The following KCNQ1 variants were observed in gnomAD, a reference collection of about 807,000 sequenced individuals.
The protein encoded by KCNQ1 is potassium voltage-gated channel subfamily KQT member 1.
A neutral mutation model predicts 72.4 loss-of-function variants in KCNQ1; 49 were observed. That is an observed-to-expected ratio of 0.68 (90% confidence interval 0.54 to 0.86). The LOEUF (loss-of-function observed/expected upper bound fraction) is 0.86. Among genes scored for constraint, KCNQ1 ranks in the 40% least tolerant of loss-of-function variants. The pLI is 0.00. For missense variants in KCNQ1, 790 were observed against 945.1 expected, an observed-to-expected ratio of 0.84 and a Z score of 2.15; for synonymous variants, 450 against 412.6, an observed-to-expected ratio of 1.09 and a Z score of -1.10.
chr11:2,580,259 G>A (rs59171663), intron 6 of KCNQ1, among the ~76,000 whole-genome samples: 8 of 151,604 alleles, frequency 5.3e-5, no homozygotes, highest in Non-Finnish European at 8.8e-5. Flanking sequence ...CGGCTGCCTC[G>A]GGAGGCAGCC....
intron 15 of KCNQ1, among the ~76,000 whole-genome samples, chr11:2,835,397 TCACACACACACA>T (rs36227626): frequency 0.14 from 18,712 of 130,496 alleles, 1,822 homozygotes; most frequent in East Asian, 0.41. Context: ...AAACCCTGAC[TCACACACACACA>T]CACACACACA....
chr11:2,572,748 C>T (rs766916660), intron 5 of KCNQ1, 98 bp from the exon 6 acceptor site: 21 of 1,510,234 alleles, frequency 1.4e-5, no homozygotes, highest in South Asian at 4.6e-5. Context: ...CGGCGTAGGA[C>T]GCCCAGTGAT....
intron 6 of KCNQ1, among the ~76,000 whole-genome samples, chr11:2,577,748 G>A (rs559503779): frequency 3.9e-5 from 6 of 152,104 alleles, no homozygotes; most frequent in Admixed American, 1.3e-4. Context: ...GAGACAGGCC[G>A]GAGTCTCCAG....
chr11:2,796,952 C>T (rs572841374), intron 15 of KCNQ1, among the ~76,000 whole-genome samples: 6 of 152,342 alleles, frequency 3.9e-5, no homozygotes, highest in Non-Finnish European at 8.8e-5. Context: ...GTGCCTGTCC[C>T]GGGCCTAACC....
intron 13 of KCNQ1, 147 bp downstream of exon 13, chr11:2,776,201 C>G (rs776510404): frequency 3.4e-5 from 24 of 697,854 alleles, no homozygotes; most frequent in Non-Finnish European, 5.3e-5. Context: ...CCACCCCCAG[C>G]CCTGCAGAGG....
chr11:2,836,177 AG>A (rs1284206045), intron 15 of KCNQ1, among the ~76,000 whole-genome samples: 2 of 152,116 alleles, frequency 1.3e-5, no homozygotes, highest in Non-Finnish European at 2.9e-5. Flanking sequence ...GGCATTTCTG[AG>A]GGAGAGGGAC....
At position 2,691,813 on chromosome 11, in the gene KCNQ1, G is replaced by T. The variant is rs1850593155; in HGVS notation, c.1514+29732G>T. The T allele has an allele frequency of 2.5e-6, 1 of 398,532 alleles. No individual in the cohort carries two copies. Among genetic ancestry groups the T allele is most frequent in the African/African-American group, 2.1e-5 (1 of 48,600 alleles). The allele number at this position is 398,532 out of a possible 1,614,324, so 24.7% of individuals were successfully genotyped here. On this transcript the variant is annotated intron_variant, in intron 11 of 15. Coordinates refer to ENST00000155840, the MANE Select transcript of KCNQ1 (RefSeq NM_000218.3). The surrounding 1 kb of genome is among the most constrained non-coding windows in gnomAD (Gnocchi z 6.4). ...AGCAATCAGAGAATCACAAGCACTG[G>T]ATCCAATGTGACCTCTGCCAGGACC... is the stretch of plus-strand genomic sequence containing the variant.
In KCNQ1 at chr11:2,611,103, T is replaced by G; in HGVS notation, c.1393+22249T>G. 2.5e-6 allele frequency: 1 copy of G among 398,564 alleles called. No individual in the cohort carries two copies. 24.7% of individuals were successfully genotyped at this position (398,564 alleles called of 1,614,324 possible). ...TTATAAATTTTTATTTCTTTATGAC[T>G]TCTGTTTATGATTTCTATTTCTTCC... On this transcript the variant is annotated intron_variant, in intron 10 of 15. Transcript: ENST00000155840. This position sits in a 1 kb window ranked among gnomAD's most constrained non-coding sequence, Gnocchi z 5.3.
intron 2 of KCNQ1, 109 bp downstream of exon 2, chr11:2,528,127 G>A: frequency 1.1e-6 from 1 of 951,082 alleles, no homozygotes; most frequent in South Asian, 1.3e-5. Flanking sequence ...CCAGCCCCTT[G>A]CCCACACATT....
chr11:2,733,774 C>A lies in KCNQ1; in HGVS notation c.1515-35070C>A, dbSNP rs61666811. Among the ~76,000 whole-genome samples, 370 of 57,454 alleles carry A rather than the reference C, an allele frequency of 6.4e-3. 3 individuals are homozygous for A. The highest frequency in any genetic ancestry group is 9.2e-3 in the African/African-American group (140 of 15,254). 37.7% of individuals were successfully genotyped at this position (57,454 alleles called of 152,430 possible). On this transcript the variant is annotated intron_variant, in intron 11 of 15. Coordinates refer to ENST00000155840, the MANE Select transcript of KCNQ1 (RefSeq NM_000218.3). ...GGGCAGGAGGGGGACTTCAGGCCTT[C>A]CACACACACACACACACACACACAC...
At position 2,670,627 on chromosome 11, in the gene KCNQ1, T is replaced by C. The variant is rs564357911; in HGVS notation, c.1514+8546T>C. 2.0e-5 allele frequency: 8 copies of C among 398,500 alleles called. No individual in the cohort carries two copies. The South Asian group carries it at 1.0e-3, about 51-fold the overall frequency. The allele number at this position is 398,500 out of a possible 1,614,324, so 24.7% of individuals were successfully genotyped here. A position where few individuals can be genotyped will look rare whatever the true frequency, so the allele number is the denominator to read the frequency against. ...CACAATCTCTGGGGGAGCCTGGATA[T>C]GCATGGCAGAGGCCAGGATGAACCC... On this transcript the variant is annotated intron_variant, in intron 11 of 15. Coordinates refer to ENST00000155840, the MANE Select transcript of KCNQ1 (RefSeq NM_000218.3). This position sits in a 1 kb window ranked among gnomAD's most constrained non-coding sequence, Gnocchi z 4.9.
intron 15 of KCNQ1, among the ~76,000 whole-genome samples, chr11:2,789,807 G>T (rs1185590843): frequency 1.3e-5 from 2 of 152,174 alleles, no homozygotes; most frequent in African/African-American, 2.4e-5. Context: ...TTTCCCCCCA[G>T]TAAAGTGATG....
At position 2,579,817 on chromosome 11, in the gene KCNQ1, G is replaced by A. The variant is rs1041987378; in HGVS notation, c.922-3618G>A. On this transcript the variant is annotated intron_variant, in intron 6 of 15. Transcript: ENST00000155840. This position sits in a 1 kb window ranked among gnomAD's most constrained non-coding sequence, Gnocchi z 6.0. ...CCACGTGCACCCAGCTCAGCCCCAG[G>A]AGGTGACACCCCCACCCTCAGCAGC... 6.6e-6 allele frequency among the ~76,000 whole-genome samples: 1 copy of A among 151,986 alleles called. No individual in the cohort carries two copies. Among genetic ancestry groups the A allele is most frequent in the African/African-American group, 2.4e-5 (1 of 41,382 alleles).
intron 11 of KCNQ1, among the ~76,000 whole-genome samples, chr11:2,718,164 C>T (rs1047581631): frequency 2.6e-5 from 4 of 152,290 alleles, no homozygotes; most frequent in African/African-American, 4.8e-5. Flanking sequence ...GCTGAGAGCC[C>T]CACTGCAGCC....
rs1484502401 is a variant in KCNQ1 at position 2,481,090 on chromosome 11, G to A, written c.386+35606G>A. 2.0e-5 allele frequency among the ~76,000 whole-genome samples: 3 copies of A among 152,182 alleles called. No homozygotes were observed. Among genetic ancestry groups the A allele is most frequent in the East Asian group, 3.8e-4 (2 of 5,198 alleles). On this transcript the variant is annotated intron_variant, in intron 1 of 15. Transcript: ENST00000155840. The surrounding 1 kb of genome is among the most constrained non-coding windows in gnomAD (Gnocchi z 4.6). ...CATGTTGGATTTCACTCATAGCCAC[G>A]AGAACGGGTGGTGGTCTCTTCTGCA...
chr11:2,723,158 C>T lies in KCNQ1; in HGVS notation c.1515-45686C>T, dbSNP rs1431792276. 1.3e-5 allele frequency among the ~76,000 whole-genome samples: 2 copies of T among 152,250 alleles called. No homozygotes were observed. The highest frequency in any genetic ancestry group is 4.8e-5 in the African/African-American group (2 of 41,468). ...TCTGCCTTCCTCTTGGCTCCGCCTT[C>T]CTCCGTGGTGGCCTGAGAGGGGTGT... On this transcript the variant is annotated intron_variant, in intron 11 of 15. Transcript: ENST00000155840. The surrounding 1 kb of genome is among the most constrained non-coding windows in gnomAD (Gnocchi z 4.2).
intron 11 of KCNQ1, chr11:2,685,748 G>A: frequency 2.5e-6 from 1 of 398,700 alleles, no homozygotes; most frequent in Non-Finnish European, 4.4e-6. Context: ...ATGGCCAGCA[G>A]GCAGGCATCC....
intron 11 of KCNQ1, chr11:2,688,859 C>T: frequency 2.5e-6 from 1 of 399,128 alleles, no homozygotes; most frequent in East Asian, 3.6e-5. Context: ...GAGGGCTGGG[C>T]CAGAGGTCAT....
rs778517729 is a variant in KCNQ1 at position 2,477,879 on chromosome 11, C to G, written c.386+32395C>G. ...GTGGAAGAAAGGAATCCAGTTCTCA[C>G]GTTAGAATCAACAGGGCTGGAAGGC... On this transcript the variant is annotated intron_variant, in intron 1 of 15. Transcript: ENST00000155840. This position sits in a 1 kb window ranked among gnomAD's most constrained non-coding sequence, Gnocchi z 5.0. Among the ~76,000 whole-genome samples the G allele has an allele frequency of 6.6e-6, 1 of 152,138 alleles. No individual in the cohort carries two copies. The highest frequency in any genetic ancestry group is 2.4e-5 in the African/African-American group (1 of 41,432).
Sources: allele counts gnomAD v4.1 joint callset (sites outside exome capture counted in the v4.1 genomes callset), GRCh38; gene constraint gnomAD v4.1.1; non-coding constraint Gnocchi (gnomAD v3.1); transcripts MANE v1.5; gene names NCBI Gene and HGNC (gene_info 2026-07-23, HGNC 2026-07-21).